The following SLC8A2 variants were observed in gnomAD, a reference collection of about 807,000 sequenced individuals.
The protein encoded by SLC8A2 is solute carrier family 8 member A2, also known as sodium/calcium exchanger 2.
Under a neutral mutation model 70.2 loss-of-function variants are expected in SLC8A2, and 14 were observed. The ratio of observed to expected loss-of-function variants is 0.20; its 90% CI spans 0.13 to 0.31. The LOEUF (loss-of-function observed/expected upper bound fraction) is 0.31. Ranked by LOEUF, SLC8A2 falls within the 10% of genes least tolerant of loss-of-function variation. The pLI, the probability that SLC8A2 is intolerant of heterozygous loss-of-function variation, is 1.00. For missense variants in SLC8A2, 779 were observed against 1,320.1 expected, an observed-to-expected ratio of 0.59 and a Z score of 6.35; for synonymous variants, 575 against 594.3, an observed-to-expected ratio of 0.97 and a Z score of 0.47.
In SLC8A2 at chr19:47,457,289, C is replaced by T. The variant is rs1381475204; in HGVS notation, c.981G>A (p.Pro327=). The change falls in exon 3 of 10, where the codon CCG becomes CCA. Residue 327 remains proline (P), a synonymous_variant. Transcript: ENST00000236877. The part of the protein sequence containing the change: ...QILKDLKQKH[P]DKDLEQLVGI... The stretch of plus-strand genomic sequence containing the variant: ...CCACCAGCTGCTCCAGATCCTTGTC[C>T]GGGTGCTTCTGCTTGAGGTCCTTGA... 6.5e-6 allele frequency: 10 copies of T among 1,546,752 alleles called. No homozygotes were observed. The Admixed American group carries it at 9.9e-5, about 15-fold the overall frequency.
At chr19:47,453,159 A>C (rs534857456) in intron 3 of SLC8A2, among the ~76,000 whole-genome samples, 1 of 152,374 alleles carries the variant, frequency 6.6e-6, no homozygotes, top group South Asian at 2.1e-4. Context: ...GGGTTCTCAG[A>C]GATCACGTTT....
intron 3 of SLC8A2, among the ~76,000 whole-genome samples, chr19:47,454,309 G>C (rs1471049255): frequency 1.3e-5 from 2 of 152,210 alleles, no homozygotes; most frequent in African/African-American, 4.8e-5. Context: ...AAGGTGAAAA[G>C]ATAGTTGAAA....
chr19:47,452,431 AGAGAGAGAGAGAGAGTGTGTGTGTGT>A lies in SLC8A2; in HGVS notation c.1341-4226_1341-4201del, dbSNP rs1296044163. On this transcript the variant is annotated intron_variant, in intron 3 of 9. Transcript: ENST00000236877. ...GAGAGAGAGAGAGAGAGAGAGAGAG[AGAGAGAGAGAGAGAGTGTGTGTGTGT>A]GTGTGTGTGTGTGTGTGTGTGTGTG... 3.5e-3 allele frequency among the ~76,000 whole-genome samples: 370 copies of A among 105,476 alleles called. 1 individual carries two copies. Among genetic ancestry groups the A allele is most frequent in the Non-Finnish European group, 4.9e-3 (265 of 54,250 alleles). The allele number at this position is 105,476 out of a possible 152,430, so 69.2% of individuals were successfully genotyped here. A position where few individuals can be genotyped will look rare whatever the true frequency, so the allele number is the denominator to read the frequency against.
chr19:47,466,391 C>T lies in SLC8A2; in HGVS notation c.13G>A (p.Ala5Thr). Residue 5 changes from alanine (A) to threonine (T), a missense_variant, in exon 2 of 10, where the codon GCC becomes ACC. This residue lies in a region of SLC8A2 where 65 missense variants were observed against 61.3 expected (regional missense o/e 1.06). Transcript: ENST00000236877. The surrounding 1 kb of genome is among the most constrained non-coding windows in gnomAD (Gnocchi z 6.9). ...AGGAGGAGTGTGACCCCCACCAAGG[C>T]CAGGGGAGCCATGGGGGGTGGTGGG... MAPLALVGVTLLLAA... is the reference protein window; with the variant it reads MAPLTLVGVTLLLAA... 2.1e-6 allele frequency: 3 copies of T among 1,421,520 alleles called. No individual in the cohort carries two copies. The highest frequency in any genetic ancestry group is 2.8e-5 in the Admixed American group (1 of 35,122). 88.1% of individuals were successfully genotyped at this position (1,421,520 alleles called of 1,614,324 possible).
In SLC8A2 at chr19:47,447,507, A is replaced by C; in HGVS notation, c.1763+302T>G. On this transcript the variant is annotated intron_variant, in intron 4 of 9. Coordinates refer to ENST00000236877, the MANE Select transcript of SLC8A2 (RefSeq NM_015063.3). This position sits in a 1 kb window ranked among gnomAD's most constrained non-coding sequence, Gnocchi z 5.1. ...CCCCACCAGGCCCCGCCCACGTGGT[A>C]GACACAGCACACCTAGGCCCCGCCC... is the stretch of plus-strand genomic sequence containing the variant. The C allele has an allele frequency of 2.3e-6, 1 of 432,242 alleles. No homozygotes were observed. The highest frequency in any genetic ancestry group is 4.1e-6 in the Non-Finnish European group (1 of 241,868). The allele number at this position is 432,242 out of a possible 1,614,324, so 26.8% of individuals were successfully genotyped here. A position where few individuals can be genotyped will look rare whatever the true frequency, so the allele number is the denominator to read the frequency against.
chr19:47,451,120 T>C (rs1209950384), intron 3 of SLC8A2, among the ~76,000 whole-genome samples: 2 of 150,928 alleles, frequency 1.3e-5, no homozygotes, highest in African/African-American at 2.4e-5. Context: ...GCGATTCTTC[T>C]GCCTCAGCCT....
Position 47,448,162 on chromosome 19 carries a change from G to A in SLC8A2, c.1410C>T (p.Asp470=). Residue 470 remains aspartate, a synonymous_variant, in exon 4 of 10, where the codon GAC becomes GAT. Transcript: ENST00000236877. The surrounding 1 kb of genome is among the most constrained non-coding windows in gnomAD (Gnocchi z 4.8). ...AGAAATGCTCGTCCTCCTCGAAGAT[G>A]TCGTCGTCGATGATGCCGATGCGCA... is the stretch of plus-strand genomic sequence containing the variant. ...KELRIGIIDD[D]IFEEDEHFFV... 6.2e-7 allele frequency: 1 copy of A among 1,612,520 alleles called. No individual in the cohort carries two copies. Among genetic ancestry groups the A allele is most frequent in the Non-Finnish European group, 8.5e-7 (1 of 1,179,378 alleles).
At chr19:47,434,780 C>T (rs181051875) in intron 8 of SLC8A2, among the ~76,000 whole-genome samples, 10 of 152,230 alleles carry the variant, frequency 6.6e-5, no homozygotes, top group South Asian at 2.1e-4. Context: ...GCTCTGTGCT[C>T]GCACAGCAAA....
rs1443273775 is a variant in SLC8A2 at position 47,432,826 on chromosome 19, A to C, written c.2111-381T>G. Among the ~76,000 whole-genome samples the C allele has an allele frequency of 6.6e-6, 1 of 151,804 alleles. No homozygotes were observed. Among genetic ancestry groups the C allele is most frequent in the African/African-American group, 2.4e-5 (1 of 41,290 alleles). ...AGTGTGGCCATGTCAGCAGCTAAAA[A>C]CAGTTACTTTCCCTGCATCCTTTGA... On this transcript the variant is annotated intron_variant, in intron 8 of 9. Transcript: ENST00000236877. The surrounding 1 kb of genome is among the most constrained non-coding windows in gnomAD (Gnocchi z 6.2).
intron 8 of SLC8A2, among the ~76,000 whole-genome samples, chr19:47,435,533 G>A (rs907120254): frequency 3.4e-5 from 5 of 148,884 alleles, no homozygotes; most frequent in Non-Finnish European, 7.4e-5. Context: ...CCCGTCTCCT[G>A]CTAGTTTCTT....
chr19:47,470,013 C>T (rs1233687157), intron 1 of SLC8A2, among the ~76,000 whole-genome samples: 1 of 152,160 alleles, frequency 6.6e-6, no homozygotes, highest in Non-Finnish European at 1.5e-5. Flanking sequence ...ACGCTACCAC[C>T]CCACAGTGGG....
chr19:47,459,263 G>C (rs746412095), intron 2 of SLC8A2, among the ~76,000 whole-genome samples: 3 of 151,826 alleles, frequency 2.0e-5, no homozygotes, highest in Non-Finnish European at 2.9e-5. Flanking sequence ...TGCGTGTGCT[G>C]CTGTCTCTTT....
intron 4 of SLC8A2, among the ~76,000 whole-genome samples, chr19:47,444,706 C>T (rs917700055): frequency 2.6e-5 from 4 of 152,218 alleles, no homozygotes; most frequent in South Asian, 4.1e-4. Flanking sequence ...GCCTGGCAGG[C>T]GCACCCTCAG....
intron 2 of SLC8A2, among the ~76,000 whole-genome samples, chr19:47,458,205 CTCTT>C (rs935109086): frequency 8.7e-5 from 13 of 149,254 alleles, no homozygotes; most frequent in Non-Finnish European, 1.9e-4. Flanking sequence ...CTCTCCCCAC[CTCTT>C]TCTGACTGTT....
At chr19:47,471,317 C>T (rs1034623370) in intron 1 of SLC8A2, among the ~76,000 whole-genome samples, 4 of 151,762 alleles carry the variant, frequency 2.6e-5, no homozygotes, top group African/African-American at 9.7e-5. Context: ...AGAGACAGAG[C>T]CCCAGAGAGA....
chr19:47,451,398 TC>T (rs1967233685), intron 3 of SLC8A2, among the ~76,000 whole-genome samples: 2 of 152,154 alleles, frequency 1.3e-5, no homozygotes, highest in South Asian at 4.1e-4. Context: ...AGCCTCGACT[TC>T]CTGGGCTTAA....
At position 47,456,956 on chromosome 19, in the gene SLC8A2, G is replaced by A. The variant is rs1967311538; in HGVS notation, c.1314C>T (p.Ala438=). ...YVDYRTEDGS[A]KAGSDYEYSE... is the part of the protein sequence containing the mutation. ...TGTACTCGTAGTCGGAGCCCGCCTT[G>A]GCAGAGCCGTCCTCAGTGCGGTAGT... Residue 438 remains alanine, a synonymous_variant, in exon 3 of 10, where the codon GCC becomes GCT. Transcript: ENST00000236877. 6.2e-7 allele frequency: 1 copy of A among 1,610,088 alleles called. No individual in the cohort carries two copies. The highest frequency in any genetic ancestry group is 8.5e-7 in the Non-Finnish European group (1 of 1,178,540).
rs1411255208 is a variant in SLC8A2, at chr19:47,465,682, T to A, written c.675+47A>T. On this transcript the variant is annotated intron_variant, in intron 2 of 9. Coordinates refer to ENST00000236877, the MANE Select transcript of SLC8A2 (RefSeq NM_015063.3). This position sits in a 1 kb window ranked among gnomAD's most constrained non-coding sequence, Gnocchi z 5.5. ...CAAGCCAAGAGCACCTCTCTGGATT[T>A]TGCAGACACACATGCACCAAGAAAG... 26 of 1,479,222 alleles carry A rather than the reference T, an allele frequency of 1.8e-5. No individual in the cohort carries two copies. The highest frequency in any genetic ancestry group is 2.3e-5 in the Non-Finnish European group (25 of 1,089,532). The allele number at this position is 1,479,222 out of a possible 1,614,324, so 91.6% of individuals were successfully genotyped here. A position where few individuals can be genotyped will look rare whatever the true frequency, so the allele number is the denominator to read the frequency against.
chr19:47,445,537 C>A (rs1334656223), intron 4 of SLC8A2, among the ~76,000 whole-genome samples: 2 of 152,210 alleles, frequency 1.3e-5, no homozygotes, highest in Non-Finnish European at 2.9e-5. Context: ...CTCATGCTCT[C>A]CCTGCCACCC....
Sources: allele counts gnomAD v4.1 joint callset (sites outside exome capture counted in the v4.1 genomes callset), GRCh38; gene constraint gnomAD v4.1.1; regional missense constraint gnomAD v4.1.1; non-coding constraint Gnocchi (gnomAD v3.1); transcripts MANE v1.5; gene names NCBI Gene and HGNC (gene_info 2026-07-23, HGNC 2026-07-21).